Variants in ATXN2 observed in about 807,000 individuals in gnomAD.
The protein encoded by ATXN2 is ataxin-2.
ATXN2 carries 37 observed loss-of-function variants against 138.6 expected under a neutral mutation model. That is an observed-to-expected ratio of 0.27 (90% CI 0.21 to 0.35). The LOEUF (loss-of-function observed/expected upper bound fraction) is 0.35. Ranked by LOEUF, ATXN2 falls within the 10% of genes least tolerant of loss-of-function variation. ATXN2 has a pLI of 1.00. For synonymous variants in ATXN2, 549 were observed against 543.7 expected (o/e 1.01, Z -0.13); for missense variants, 1,216 against 1,480.3 (o/e 0.82, Z 2.93).
chr12:111,574,398 G>A (rs1883518542), intron 1 of ATXN2, among the ~76,000 whole-genome samples: 1 of 149,162 alleles, frequency 6.7e-6, no homozygotes, highest in South Asian at 2.1e-4. Flanking sequence ...TTCCGTATCT[G>A]TCACAAATGT....
In ATXN2 at chr12:111,552,336, C is replaced by T; in HGVS notation, c.515G>A (p.Cys172Tyr). ...AAACTGTACCACAACAAAGTCTGAACATTTGAACAAAATACTCTCCATTAT... is the reference window on the plus strand; with the variant it reads ...AAACTGTACCACAACAAAGTCTGAATATTTGAACAAAATACTCTCCATTAT... ...EEIMESILFKCSDFVVVQFKD... is the reference protein window; with the variant it reads ...EEIMESILFKYSDFVVVQFKD... The change falls in exon 5 of 25, where the codon TGT becomes TAT. Residue 172 changes from cysteine (C) to tyrosine (Y), a missense_variant. Cys to Tyr is a radical substitution (Grantham distance 194). This residue lies in a region of ATXN2 where 401 missense variants were observed against 528.1 expected (regional missense o/e 0.76). Coordinates refer to ENST00000673436, the MANE Select transcript of ATXN2 (RefSeq NM_001372574.1). The surrounding 1 kb of genome is among the most constrained non-coding windows in gnomAD (Gnocchi z 4.1). 1 of 1,613,524 alleles carries T rather than the reference C, an allele frequency of 6.2e-7. No homozygotes were observed. Among genetic ancestry groups the T allele is most frequent in the Non-Finnish European group, 8.5e-7 (1 of 1,179,782 alleles).
chr12:111,488,591 G>A lies in ATXN2; in HGVS notation c.2125C>T (p.Leu709Phe). The A allele has an allele frequency of 6.2e-7, 1 of 1,614,188 alleles. No individual in the cohort carries two copies. Among genetic ancestry groups the A allele is most frequent in the South Asian group, 1.1e-5 (1 of 91,082 alleles). ...CCCCTCTTGTGCTCCGTGTTACTAAGTATTGAAGGGGAAATGCTGGGGCTA... is the reference window on the plus strand; with the variant it reads ...CCCCTCTTGTGCTCCGTGTTACTAAATATTGAAGGGGAAATGCTGGGGCTA... ...PNSPSISPSI[L>F]SNTEHKRGPE... is the part of the protein sequence containing the mutation. The change falls in exon 15 of 25, where the codon CTT becomes TTT. Residue 709 changes from leucine to phenylalanine, a missense_variant. Transcript: ENST00000673436.
At chr12:111,560,410 G>A (rs1357941045) in intron 1 of ATXN2, among the ~76,000 whole-genome samples, 2 of 151,810 alleles carry the variant, frequency 1.3e-5, no homozygotes, top group Non-Finnish European at 2.9e-5. Context: ...TATATCCAAC[G>A]GGGGGGTCCT....
chr12:111,517,688 T>G (rs901776965), intron 9 of ATXN2, among the ~76,000 whole-genome samples: 2 of 152,164 alleles, frequency 1.3e-5, no homozygotes, highest in African/African-American at 4.8e-5. Flanking sequence ...AACTGTAACA[T>G]CCACCCTTAG....
intron 5 of ATXN2, among the ~76,000 whole-genome samples, chr12:111,534,245 T>A (rs1366712903): frequency 6.6e-6 from 1 of 150,674 alleles, no homozygotes; most frequent in Non-Finnish European, 1.5e-5. Context: ...ACCAAAAATA[T>A]AAAAAATTAG....
In ATXN2 at chr12:111,597,288, G is replaced by A. The variant is rs377659274; in HGVS notation, c.251+1496C>T. On this transcript the variant is annotated intron_variant, in intron 1 of 24. Transcript: ENST00000673436. ...TGTAAATAAAAATTCTTTGGAAATG[G>A]GTTGCTGAAAATGTGTTTTCAAAAA... is the stretch of plus-strand genomic sequence containing the variant. Among the ~76,000 whole-genome samples the A allele has an allele frequency of 4.2e-4, 64 of 152,324 alleles. 2 individuals carry two copies. In the South Asian group the frequency reaches 0.012, roughly 28 times the overall value.
chr12:111,551,478 C>A (rs1337841427), intron 5 of ATXN2, among the ~76,000 whole-genome samples: 1 of 152,140 alleles, frequency 6.6e-6, no homozygotes, highest in Non-Finnish European at 1.5e-5. Flanking sequence ...CTTTTAAATT[C>A]TCAAAACCTT....
At chr12:111,596,195 T>G (rs1227301096) in intron 1 of ATXN2, among the ~76,000 whole-genome samples, 2 of 132,510 alleles carry the variant, frequency 1.5e-5, no homozygotes, top group African/African-American at 2.8e-5. Flanking sequence ...CAGAGTGAGA[T>G]TCCATCCAAA....
intron 5 of ATXN2, among the ~76,000 whole-genome samples, chr12:111,530,882 T>G (rs1240731588): frequency 6.6e-6 from 1 of 152,042 alleles, no homozygotes. Flanking sequence ...TCCCATCACT[T>G]TGGGAGGCCG....
chr12:111,481,742 G>A (rs996536751), intron 18 of ATXN2, among the ~76,000 whole-genome samples: 5 of 152,026 alleles, frequency 3.3e-5, no homozygotes, highest in Admixed American at 2.6e-4. Context: ...TGCAGCCTCC[G>A]CCTCCCAGGT....
chr12:111,592,156 G>A (rs561760787), intron 1 of ATXN2, among the ~76,000 whole-genome samples: 6 of 151,310 alleles, frequency 4.0e-5, no homozygotes, highest in African/African-American at 7.3e-5. Flanking sequence ...TTGGGAGGCC[G>A]AGGCAAGCGA....
intron 5 of ATXN2, among the ~76,000 whole-genome samples, chr12:111,528,887 A>G (rs1197042184): frequency 1.3e-5 from 2 of 152,202 alleles, no homozygotes; most frequent in Non-Finnish European, 2.9e-5. Context: ...TGCACTATTA[A>G]TAATATCCAC....
chr12:111,585,089 T>C (rs1340688833), intron 1 of ATXN2, among the ~76,000 whole-genome samples: 9 of 152,200 alleles, frequency 5.9e-5, no homozygotes, highest in African/African-American at 2.2e-4. Context: ...GAAAAATACT[T>C]CTTTGGGAGA....
intron 18 of ATXN2, among the ~76,000 whole-genome samples, chr12:111,475,698 A>G (rs560872215): frequency 6.6e-6 from 1 of 151,884 alleles, no homozygotes; most frequent in Admixed American, 6.6e-5. Flanking sequence ...AAGGCAACTG[A>G]TTTTTTTAGT....
At chr12:111,599,401 G>A, upstream of ATXN2, 1 of 1,168,666 alleles carries the variant, frequency 8.6e-7, no homozygotes, top group South Asian at 4.2e-5. Context: ...CGCCCCGCCC[G>A]CTCCGCCGCG....
At chr12:111,534,218 G>A (rs916093510) in intron 5 of ATXN2, among the ~76,000 whole-genome samples, 4 of 151,912 alleles carry the variant, frequency 2.6e-5, no homozygotes, top group East Asian at 1.9e-4. Context: ...TGGGCAACAC[G>A]GCAAAATCCT....
intron 12 of ATXN2, 65 bp from the exon 13 acceptor site, chr12:111,510,063 C>A: frequency 1.7e-6 from 2 of 1,171,154 alleles, no homozygotes; most frequent in South Asian, 2.8e-5. Flanking sequence ...AAACACTGAA[C>A]AATAATTTTG....
chr12:111,541,514 G>A (rs1186527547), intron 5 of ATXN2, among the ~76,000 whole-genome samples: 1 of 147,918 alleles, frequency 6.8e-6, no homozygotes. Context: ...ACCATGACCG[G>A]CTAATTTTGT....
chr12:111,452,985 C>G, intron 24 of ATXN2, 145 bp from the exon 25 acceptor site: 1 of 928,594 alleles, frequency 1.1e-6, no homozygotes, highest in Non-Finnish European at 1.3e-6. Context: ...CTCCCATCTG[C>G]ACCAAAGTGG....
Sources: allele counts gnomAD v4.1 joint callset (sites outside exome capture counted in the v4.1 genomes callset), GRCh38; gene constraint gnomAD v4.1.1; regional missense constraint gnomAD v4.1.1; non-coding constraint Gnocchi (gnomAD v3.1); transcripts MANE v1.5; gene names NCBI Gene and HGNC (gene_info 2026-07-23, HGNC 2026-07-21).